TYW1: variants seen among roughly 807,000 people sequenced by gnomAD.
The protein encoded by TYW1 is S-adenosyl-L-methionine-dependent tRNA 4-demethylwyosine synthase TYW1.
A neutral mutation model predicts 96.2 loss-of-function variants in TYW1; 46 were observed. The ratio of observed to expected loss-of-function variants is 0.48; its 90% CI spans 0.38 to 0.61. TYW1 has a LOEUF of 0.61. Ranked by LOEUF, TYW1 falls within the 20% of genes least tolerant of loss-of-function variation. The pLI, the probability that TYW1 is intolerant of heterozygous loss-of-function variation, is 0.00. For synonymous variants in TYW1, 274 were observed against 323.0 expected, an observed-to-expected ratio of 0.85 and a Z score of 1.63; for missense variants, 684 against 909.6, an observed-to-expected ratio of 0.75 and a Z score of 3.19.
chr7:67,028,301 A>T lies in TYW1; in HGVS notation c.984+3279A>T, dbSNP rs547619156. 2.7e-5 allele frequency among the ~76,000 whole-genome samples: 4 copies of T among 150,898 alleles called. No homozygotes were observed. The East Asian group carries it at 7.8e-4, about 29-fold the overall frequency. On this transcript the variant is annotated intron_variant, in intron 7 of 15. Transcript: ENST00000359626. ...CGTGGCTCACGCCTGTAATCCCCAC[A>T]CTTTGAGAGGCCAAGGCAGGTGGAT...
intron 11 of TYW1, among the ~76,000 whole-genome samples, chr7:67,087,573 C>T (rs1796586730): frequency 6.6e-6 from 1 of 150,500 alleles, no homozygotes; most frequent in South Asian, 2.1e-4. Flanking sequence ...CTATTTTACC[C>T]TGGTAATTCC....
intron 7 of TYW1, 77 bp from the exon 8 acceptor site, chr7:67,049,872 T>C: frequency 1.3e-6 from 2 of 1,564,284 alleles, no homozygotes; most frequent in East Asian, 4.5e-5. Flanking sequence ...TTATTGATGC[T>C]AGGTGTTCAT....
intron 12 of TYW1, among the ~76,000 whole-genome samples, chr7:67,103,118 C>T (rs1006897453): frequency 1.4e-4 from 21 of 152,040 alleles, no homozygotes; most frequent in African/African-American, 3.1e-4. Flanking sequence ...AAAGTGGGCA[C>T]GTCTTTGTTA....
chr7:67,166,024 G>A (rs755580692), intron 13 of TYW1, among the ~76,000 whole-genome samples: 5 of 152,150 alleles, frequency 3.3e-5, no homozygotes, highest in Non-Finnish European at 5.9e-5. Context: ...TGGATCACTT[G>A]AGGCCAGGAG....
intron 4 of TYW1, among the ~76,000 whole-genome samples, chr7:67,011,690 G>A (rs1243140867): frequency 4.6e-5 from 7 of 151,952 alleles, no homozygotes; most frequent in African/African-American, 9.7e-5. Context: ...TGGCCAACAC[G>A]GTGAAACCAC....
chr7:67,112,100 C>CCAA (rs1210621363), intron 12 of TYW1, among the ~76,000 whole-genome samples: 1 of 94,884 alleles, frequency 1.1e-5, no homozygotes, highest in Admixed American at 1.4e-4. Context: ...CTCTGTCTGA[C>CCAA]AAAAAAAAAA....
intron 4 of TYW1, among the ~76,000 whole-genome samples, chr7:67,013,965 G>A (rs549586928): frequency 6.9e-4 from 105 of 151,774 alleles, no homozygotes; most frequent in African/African-American, 2.3e-3. Context: ...GGATGGTCTC[G>A]ATCTCCTGAC....
chr7:67,024,558 A>G (rs922135539), intron 6 of TYW1, among the ~76,000 whole-genome samples: 1 of 151,924 alleles, frequency 6.6e-6, no homozygotes, highest in Admixed American at 6.6e-5. Context: ...AGGTGGGTGG[A>G]TTACCTGAGG....
chr7:67,122,101 A>G (rs1487062491), intron 13 of TYW1, among the ~76,000 whole-genome samples: 1 of 152,058 alleles, frequency 6.6e-6, no homozygotes, highest in Non-Finnish European at 1.5e-5. Flanking sequence ...CTGAACTATG[A>G]TTATGCCAAG....
intron 4 of TYW1, among the ~76,000 whole-genome samples, chr7:67,012,008 T>A (rs1348852244): frequency 6.6e-6 from 1 of 151,702 alleles, no homozygotes; most frequent in African/African-American, 2.4e-5. Context: ...CAGCCATAGA[T>A]AATATGTAAA....
chr7:67,060,895 T>C (rs1484752837), intron 9 of TYW1, among the ~76,000 whole-genome samples: 1 of 152,180 alleles, frequency 6.6e-6, no homozygotes. Flanking sequence ...ACCTTTTTTG[T>C]GGTTCATAAA....
In TYW1 at chr7:67,057,518, A is replaced by G. The variant is rs181627236; in HGVS notation, c.1155+1631A>G. 2.6e-5 allele frequency among the ~76,000 whole-genome samples: 4 copies of G among 152,094 alleles called. No individual in the cohort carries two copies. In the East Asian group the frequency reaches 7.8e-4, roughly 30 times the overall value. On this transcript the variant is annotated intron_variant, in intron 9 of 15. Transcript: ENST00000359626. ...AGTGGGATTACAAGCGTGTGCCAACACGCCCAGCTAAGTTTTGAATTTGTG... is the reference window on the plus strand; with the variant it reads ...AGTGGGATTACAAGCGTGTGCCAACGCGCCCAGCTAAGTTTTGAATTTGTG...
chr7:67,079,936 C>T (rs1036239966), intron 10 of TYW1, among the ~76,000 whole-genome samples: 1 of 152,000 alleles, frequency 6.6e-6, no homozygotes, highest in African/African-American at 2.4e-5. Context: ...TGTTGTATTC[C>T]ATTGTCCAAA....
chr7:67,186,708 G>T (rs1054623542), intron 14 of TYW1, among the ~76,000 whole-genome samples: 1 of 152,114 alleles, frequency 6.6e-6, no homozygotes, highest in Non-Finnish European at 1.5e-5. Flanking sequence ...GCCCAGGCTG[G>T]TCTTGAACTC....
At chr7:67,066,891 C>A (rs548000649) in intron 9 of TYW1, among the ~76,000 whole-genome samples, 3 of 152,290 alleles carry the variant, frequency 2.0e-5, no homozygotes, top group African/African-American at 4.8e-5. Context: ...ATTCCCTTAC[C>A]CATCCTTCTT....
chr7:67,111,109 C>A (rs1458296667), intron 12 of TYW1, among the ~76,000 whole-genome samples: 1 of 152,092 alleles, frequency 6.6e-6, no homozygotes, highest in South Asian at 2.1e-4. Flanking sequence ...GAATAGAATC[C>A]ATCTACAAGG....
At chr7:67,010,530 T>C (rs966909537) in intron 4 of TYW1, among the ~76,000 whole-genome samples, 7 of 151,014 alleles carry the variant, frequency 4.6e-5, no homozygotes, top group Admixed American at 4.6e-4. Flanking sequence ...GGCTGGAGTG[T>C]AGTGGCGCGA....
intron 13 of TYW1, among the ~76,000 whole-genome samples, chr7:67,137,543 C>A (rs1798304718): frequency 6.6e-6 from 1 of 152,172 alleles, no homozygotes; most frequent in Non-Finnish European, 1.5e-5. Context: ...TAACAGGAAA[C>A]AATTCCATTG....
chr7:67,057,102 C>T lies in TYW1; in HGVS notation c.1155+1215C>T, dbSNP rs564639500. Reference sequence around the variant, plus strand: ...TGATCTTGGCTCACTGCAACCTCCGCCTCCTGGGTTCAAATGATTCTCCTG... The same window carrying T: ...TGATCTTGGCTCACTGCAACCTCCGTCTCCTGGGTTCAAATGATTCTCCTG... On this transcript the variant is annotated intron_variant, in intron 9 of 15. Coordinates refer to ENST00000359626, the MANE Select transcript of TYW1 (RefSeq NM_018264.4). Among the ~76,000 whole-genome samples the T allele has an allele frequency of 4.6e-5, 7 of 151,504 alleles. No individual in the cohort carries two copies. In the East Asian group the frequency reaches 1.4e-3, roughly 29 times the overall value.
Sources: allele counts gnomAD v4.1 joint callset (sites outside exome capture counted in the v4.1 genomes callset), GRCh38; gene constraint gnomAD v4.1.1; transcripts MANE v1.5; gene names NCBI Gene and HGNC (gene_info 2026-07-23, HGNC 2026-07-21).